Variants in SLC28A3 observed in about 807,000 individuals in gnomAD.
The protein encoded by SLC28A3 is solute carrier family 28 member 3.
Under a neutral mutation model 84.2 loss-of-function variants are expected in SLC28A3, and 68 were observed. The ratio of observed to expected loss-of-function variants is 0.81; its 90% CI spans 0.66 to 0.99. The LOEUF (loss-of-function observed/expected upper bound fraction) is 0.99, where lower values mean the gene tolerates loss of function less well. Among genes scored for constraint, SLC28A3 ranks in the 50% least tolerant of loss-of-function variants. SLC28A3 has a pLI of 0.00. For synonymous variants in SLC28A3, 267 were observed against 303.6 expected (o/e 0.88, Z 1.25); for missense variants, 712 against 841.5 (o/e 0.85, Z 1.90).
At position 84,310,721 on chromosome 9, in the gene SLC28A3, C is replaced by T. The variant is rs923356420; in HGVS notation, c.157-1007G>A. ...ATTACCTTCATTTTCTGGGCTGGACCCTAGGAACAAGGAAGGTGTGAGGAT... is the reference window on the plus strand; with the variant it reads ...ATTACCTTCATTTTCTGGGCTGGACTCTAGGAACAAGGAAGGTGTGAGGAT... On this transcript the variant is annotated intron_variant, in intron 2 of 17. Transcript: ENST00000376238. 42 of 491,492 alleles carry T rather than the reference C, an allele frequency of 8.5e-5. No homozygotes were observed. The Admixed American group carries it at 9.0e-4, about 10-fold the overall frequency. The allele number at this position is 491,492 out of a possible 1,614,324, so 30.4% of individuals were successfully genotyped here.
chr9:84,313,421 A>G lies in SLC28A3; in HGVS notation c.94T>C (p.Ser32Pro), dbSNP rs1051545233. 45 of 1,613,890 alleles carry G rather than the reference A, an allele frequency of 2.8e-5. No homozygotes were observed. In the Admixed American group the frequency reaches 7.5e-4, roughly 27 times the overall value. The change falls in exon 2 of 18, where the codon TCA becomes CCA. Residue 32 changes from serine (S) to proline (P), a missense_variant. Ser to Pro is a moderately conservative substitution (Grantham distance 74, BLOSUM62 -1). Coordinates refer to ENST00000376238, the MANE Select transcript of SLC28A3 (RefSeq NM_001199633.2). ...EENFLENENT[S>P]GNNSIRSRAV... ...CTGCTTCTTATTGAGTTGTTTCCTG[A>G]TGTGTTCTCGTTCTCAAGAAAGTTT...
chr9:84,289,762 T>A (rs887547175), intron 11 of SLC28A3, among the ~76,000 whole-genome samples: 1 of 152,254 alleles, frequency 6.6e-6, no homozygotes, highest in Non-Finnish European at 1.5e-5. Context: ...AAGTAGTTGC[T>A]TTCCAATAAT....
At position 84,280,832 on chromosome 9, in the gene SLC28A3, G is replaced by A. The variant is rs534360209; in HGVS notation, c.1698C>T (p.Ile566=). ...CGCCGATCACGATTCCTAGGGACCC[G>A]ATATTGGCAAAACCACAGAGAGCGT... ...ATYALCGFAN[I]GSLGIVIGGL... The change falls in exon 15 of 18, where the codon ATC becomes ATT. Residue 566 remains isoleucine, a synonymous_variant. Transcript: ENST00000376238. 2 of 1,613,988 alleles carry A rather than the reference G, an allele frequency of 1.2e-6. No individual in the cohort carries two copies. Among genetic ancestry groups the A allele is most frequent in the Admixed American group, 1.7e-5 (1 of 59,982 alleles).
intron 1 of SLC28A3, among the ~76,000 whole-genome samples, chr9:84,324,517 A>G (rs983193139): frequency 1.3e-4 from 19 of 151,914 alleles, no homozygotes; most frequent in African/African-American, 3.6e-4. Flanking sequence ...GGTGGCATGC[A>G]CCCATAGTCC....
At chr9:84,345,474 A>G (rs1447205301), upstream of SLC28A3, among the ~76,000 whole-genome samples, 2 of 152,226 alleles carry the variant, frequency 1.3e-5, no homozygotes, top group South Asian at 2.1e-4. Flanking sequence ...AATTGCAGAA[A>G]CGTGACTCCA....
intron 12 of SLC28A3, among the ~76,000 whole-genome samples, chr9:84,286,987 T>C (rs1387577147): frequency 1.3e-5 from 2 of 152,242 alleles, no homozygotes; most frequent in Non-Finnish European, 2.9e-5. Context: ...GTAGATTGCT[T>C]GAGCCCAGGA....
At chr9:84,319,411 T>A (rs1224805869) in intron 1 of SLC28A3, among the ~76,000 whole-genome samples, 1 of 152,158 alleles carries the variant, frequency 6.6e-6, no homozygotes, top group Non-Finnish European at 1.5e-5. Flanking sequence ...ACACCTGTAA[T>A]CCCAGCACTT....
intron 1 of SLC28A3, among the ~76,000 whole-genome samples, chr9:84,318,121 C>T (rs1025916041): frequency 1.3e-5 from 2 of 152,124 alleles, no homozygotes; most frequent in African/African-American, 4.8e-5. Context: ...GTTCATGTAA[C>T]TTTCTGGCTC....
At chr9:84,304,275 A>C (rs543876949) in intron 4 of SLC28A3, among the ~76,000 whole-genome samples, 168 of 152,288 alleles carry the variant, frequency 1.1e-3, no homozygotes, top group African/African-American at 3.9e-3. Context: ...AAGCTCACCA[A>C]CCCTACTGTT....
intron 1 of SLC28A3, among the ~76,000 whole-genome samples, chr9:84,317,410 G>A (rs1826209335): frequency 6.6e-6 from 1 of 152,146 alleles, no homozygotes; most frequent in Admixed American, 6.6e-5. Context: ...CCACAATAGT[G>A]GTCTTCCTGC....
At chr9:84,358,921 G>C in the SLC28A3 span, among the ~76,000 whole-genome samples, 2 of 152,148 alleles carry the variant, frequency 1.3e-5, no homozygotes, top group Non-Finnish European at 2.9e-5. Flanking sequence ...TCCCACCTCA[G>C]CCTCCCAAGT....
At chr9:84,322,883 A>G (rs1167365148) in intron 1 of SLC28A3, among the ~76,000 whole-genome samples, 1 of 152,174 alleles carries the variant, frequency 6.6e-6, no homozygotes, top group Non-Finnish European at 1.5e-5. Flanking sequence ...ACATTTAAGA[A>G]ATACATTTGA....
chr9:84,300,920 G>C (rs1002178875), intron 5 of SLC28A3, among the ~76,000 whole-genome samples: 1 of 151,984 alleles, frequency 6.6e-6, no homozygotes, highest in African/African-American at 2.4e-5. Context: ...TAGGGCACTG[G>C]GTCATGTTCA....
chr9:84,340,790 A>T, upstream of SLC28A3: 238 of 574,854 alleles, frequency 4.1e-4, no homozygotes, highest in Middle Eastern at 5.3e-4. Context: ...CTGAATGACT[A>T]GGGCTGACAC....
chr9:84,317,488 A>C (rs908853614), intron 1 of SLC28A3, among the ~76,000 whole-genome samples: 7 of 152,120 alleles, frequency 4.6e-5, no homozygotes, highest in Admixed American at 3.9e-4. Context: ...GCCTCTGTGG[A>C]CATGTCTTGT....
At chr9:84,360,809 A>G in the SLC28A3 span, among the ~76,000 whole-genome samples, 2 of 152,052 alleles carry the variant, frequency 1.3e-5, no homozygotes, top group Admixed American at 6.6e-5. Context: ...CTTGCTAATC[A>G]GGAGGCTGAG....
chr9:84,357,903 A>T, the SLC28A3 span, among the ~76,000 whole-genome samples: 7 of 152,306 alleles, frequency 4.6e-5, no homozygotes, highest in African/African-American at 1.7e-4. Flanking sequence ...AGGCAGGTCT[A>T]GATGCAGGGG....
chr9:84,350,285 T>C, the SLC28A3 span, among the ~76,000 whole-genome samples: 1 of 151,840 alleles, frequency 6.6e-6, no homozygotes, highest in African/African-American at 2.4e-5. Flanking sequence ...CTACTAAAAA[T>C]ACAAAAATTA....
At chr9:84,295,139 C>A (rs1012135871) in intron 8 of SLC28A3, among the ~76,000 whole-genome samples, 2 of 152,102 alleles carry the variant, frequency 1.3e-5, no homozygotes, top group African/African-American at 2.4e-5. Context: ...ATGGTGCCCC[C>A]CCTACTGAAG....
Sources: allele counts gnomAD v4.1 joint callset (sites outside exome capture counted in the v4.1 genomes callset), GRCh38; gene constraint gnomAD v4.1.1; transcripts MANE v1.5; gene names NCBI Gene and HGNC (gene_info 2026-07-23, HGNC 2026-07-21).